Variants in EVC observed in about 807,000 individuals in gnomAD.
EVC encodes the protein EvC ciliary complex subunit 1.
Under a neutral mutation model 118.9 loss-of-function variants are expected in EVC, and 116 were observed. The observed-to-expected ratio is 0.98, with a 90% CI of 0.84 to 1.14. EVC has a LOEUF of 1.14. Among genes scored for constraint, EVC ranks in the 50% most tolerant of loss-of-function variants. The pLI, the probability that EVC is intolerant of heterozygous loss-of-function variation, is 0.00. For synonymous variants in EVC, 619 were observed against 534.7 expected, an observed-to-expected ratio of 1.16 and a Z score of -2.18; for missense variants, 1,401 against 1,246.4, an observed-to-expected ratio of 1.12 and a Z score of -1.87.
rs1160653669 is a variant in EVC, at chr4:5,719,209, G to A, written c.175-39G>A. The A allele has an allele frequency of 3.7e-6, 6 of 1,613,814 alleles. No individual in the cohort carries two copies. Among genetic ancestry groups the A allele is most frequent in the African/African-American group, 1.3e-5 (1 of 75,046 alleles). On this transcript the variant is annotated intron_variant, in intron 1 of 20. Coordinates refer to ENST00000264956, the MANE Select transcript of EVC (RefSeq NM_153717.3). The surrounding 1 kb of genome is among the most constrained non-coding windows in gnomAD (Gnocchi z 4.7). ...CCAGGCCGACTGACCTCAATGTTGTGTTTCTATCCACCCCCAACTCCTGAC... is the reference window on the plus strand; with the variant it reads ...CCAGGCCGACTGACCTCAATGTTGTATTTCTATCCACCCCCAACTCCTGAC...
intron 5 of EVC, among the ~76,000 whole-genome samples, chr4:5,733,876 A>T (rs558096513): frequency 2.6e-5 from 4 of 152,276 alleles, no homozygotes; most frequent in African/African-American, 9.6e-5. Flanking sequence ...TGTCATTATC[A>T]TGTCCACTCT....
intron 3 of EVC, among the ~76,000 whole-genome samples, chr4:5,730,059 G>T (rs560727997): frequency 6.6e-6 from 1 of 152,266 alleles, no homozygotes; most frequent in South Asian, 2.1e-4. Context: ...TCAGGATGAC[G>T]AGCTCTGGAG....
rs149344570 is a variant in EVC, at chr4:5,797,098, G to A, written c.1963G>A (p.Ala655Thr). 3.4e-4 allele frequency: 548 copies of A among 1,613,546 alleles called. 2 individuals carry two copies. The African/African-American group carries it at 6.0e-3, about 18-fold the overall frequency. The change falls in exon 14 of 21, where the codon GCC becomes ACC. Residue 655 changes from alanine (A) to threonine (T), a missense_variant. By Grantham distance (58) the Ala-to-Thr change is moderately conservative. Coordinates refer to ENST00000264956, the MANE Select transcript of EVC (RefSeq NM_153717.3). ...ALRRLALRGN[A>T]LATLTQMRLS... ...CCGGAGGCTGGCACTCCGCGGCAAC[G>A]CCCTGGCCACCCTGACGCAGATGCG...
rs571276814 is a variant in EVC at position 5,733,511 on chromosome 4, T to A, written c.702+76T>A. On this transcript the variant is annotated intron_variant, in intron 5 of 20. Coordinates refer to ENST00000264956, the MANE Select transcript of EVC (RefSeq NM_153717.3). ...AGACAAGGACTCTGTGTGCAGTGAG[T>A]CCCAGAGACCCTTGAGAGGCAGACA... is the stretch of plus-strand genomic sequence containing the variant. 11 of 1,257,180 alleles carry A rather than the reference T, an allele frequency of 8.7e-6. No individual in the cohort carries two copies. In the South Asian group the frequency reaches 1.3e-4, roughly 15 times the overall value. 77.9% of individuals were successfully genotyped at this position (1,257,180 alleles called of 1,614,324 possible). A position where few individuals can be genotyped will look rare whatever the true frequency, so the allele number is the denominator to read the frequency against.
rs934378953 is a variant in EVC, at chr4:5,737,536, C to A, written c.702+4101C>A. ...TTCAAAGAACAGGCTGACTCTCTCG[C>A]TAGGGGCTAATGCGGGAGATGACTT... On this transcript the variant is annotated intron_variant, in intron 5 of 20. Coordinates refer to ENST00000264956, the MANE Select transcript of EVC (RefSeq NM_153717.3). The surrounding 1 kb of genome is among the most constrained non-coding windows in gnomAD (Gnocchi z 5.0). Among the ~76,000 whole-genome samples the A allele has an allele frequency of 1.1e-4, 17 of 152,224 alleles. No homozygotes were observed. Among genetic ancestry groups the A allele is most frequent in the African/African-American group, 3.9e-4 (16 of 41,446 alleles).
chr4:5,760,419 G>A (rs1731828970), intron 11 of EVC, among the ~76,000 whole-genome samples: 1 of 152,066 alleles, frequency 6.6e-6, no homozygotes, highest in African/African-American at 2.4e-5. Context: ...AGGGTGACAG[G>A]TGTGACGAGG....
In EVC at chr4:5,731,293, G is replaced by A. The variant is rs920305856; in HGVS notation, c.385-132G>A. ...GACGGAAACTCTGTGGTGTCTGCTGGCACCCTGGCCAGTCTCCTCCAGGCA... is the reference window on the plus strand; with the variant it reads ...GACGGAAACTCTGTGGTGTCTGCTGACACCCTGGCCAGTCTCCTCCAGGCA... On this transcript the variant is annotated intron_variant, in intron 3 of 20. Coordinates refer to ENST00000264956, the MANE Select transcript of EVC (RefSeq NM_153717.3). The surrounding 1 kb of genome is among the most constrained non-coding windows in gnomAD (Gnocchi z 5.6). 45 of 819,842 alleles carry A rather than the reference G, an allele frequency of 5.5e-5. No individual in the cohort carries two copies. The highest frequency in any genetic ancestry group is 1.7e-5 in the Non-Finnish European group (8 of 465,160). The allele number at this position is 819,842 out of a possible 1,614,324, so 50.8% of individuals were successfully genotyped here. A position where few individuals can be genotyped will look rare whatever the true frequency, so the allele number is the denominator to read the frequency against.
At chr4:5,825,686 T>C in the EVC span, 901 of 1,609,254 alleles carry the variant, frequency 5.6e-4, 6 homozygotes, top group East Asian at 0.018. This position sits in a 1 kb window ranked among gnomAD's most constrained non-coding sequence, Gnocchi z 4.4. Context: ...AGAGTGTGAT[T>C]GATCGACACT....
intron 11 of EVC, among the ~76,000 whole-genome samples, chr4:5,758,738 A>C (rs1166299750): frequency 6.6e-6 from 1 of 152,206 alleles, no homozygotes; most frequent in Non-Finnish European, 1.5e-5. Flanking sequence ...GTGAGATTTA[A>C]AATAAAGGCT....
intron 1 of EVC, among the ~76,000 whole-genome samples, chr4:5,718,654 A>C (rs1724389521): frequency 6.6e-6 from 1 of 152,232 alleles, no homozygotes; most frequent in Non-Finnish European, 1.5e-5. Flanking sequence ...CATGCTCTGC[A>C]TGTATTTGTG....
intron 11 of EVC, among the ~76,000 whole-genome samples, chr4:5,771,223 C>T (rs1041545653): frequency 1.4e-4 from 22 of 152,230 alleles, no homozygotes; most frequent in African/African-American, 5.3e-4. Flanking sequence ...GCAGGGCTGA[C>T]TCCTCCTGGA....
rs113126727 is a variant in EVC, at chr4:5,724,749, A to G, written c.301-4558A>G. Among the ~76,000 whole-genome samples the G allele has an allele frequency of 7.8e-3, 1,179 of 150,836 alleles. 20 individuals are homozygous for G. The highest frequency in any genetic ancestry group is 0.027 in the African/African-American group (1,117 of 40,824). ...AACCTTTTCTTCAACTTTTATTTTAAGTTCTGGGGTACACATGCAGGATGT... is the reference window on the plus strand; with the variant it reads ...AACCTTTTCTTCAACTTTTATTTTAGGTTCTGGGGTACACATGCAGGATGT... On this transcript the variant is annotated intron_variant, in intron 2 of 20. Transcript: ENST00000264956.
At chr4:5,825,843 T>TCATACACACAAGCATG in the EVC span, 1 of 604,084 alleles carries the variant, frequency 1.7e-6, no homozygotes, top group Non-Finnish European at 2.8e-6. The surrounding 1 kb of genome is among the most constrained non-coding windows in gnomAD (Gnocchi z 4.4). Flanking sequence ...ACACAGGCAT[T>TCATACACACAAGCATG]CATACACACA....
At chr4:5,723,272 C>T (rs557746937) in intron 2 of EVC, among the ~76,000 whole-genome samples, 4 of 151,838 alleles carry the variant, frequency 2.6e-5, no homozygotes, top group African/African-American at 7.3e-5. Context: ...TCCCTGCAAC[C>T]TCTGCCTCCT....
chr4:5,760,558 G>C (rs185675897), intron 11 of EVC, among the ~76,000 whole-genome samples: 2 of 152,002 alleles, frequency 1.3e-5, no homozygotes, highest in African/African-American at 4.8e-5. Context: ...TTTGTTTTTT[G>C]TTTTTTGTTT....
chr4:5,711,499 T>G lies in EVC; in HGVS notation c.119T>G (p.Leu40Arg). The change falls in exon 1 of 21, where the codon CTC becomes CGC. Residue 40 changes from leucine to arginine, a missense_variant. Leu to Arg is a moderately radical substitution (Grantham distance 102, BLOSUM62 -2). Transcript: ENST00000264956. ...GTGCTGCTGGGCGCCGCGCTCGGCC[T>G]CGGCCTCGGCCTTTGGCTTGGCTGC... ...PAVLLGAALG[L>R]GLGLWLGCRA... is the part of the protein sequence containing the mutation. The G allele has an allele frequency of 8.8e-7, 1 of 1,135,132 alleles. No homozygotes were observed. The allele number at this position is 1,135,132 out of a possible 1,614,324, so 70.3% of individuals were successfully genotyped here. A position where few individuals can be genotyped will look rare whatever the true frequency, so the allele number is the denominator to read the frequency against.
chr4:5,802,025 T>G lies in EVC; in HGVS notation c.2380T>G (p.Tyr794Asp). The G allele has an allele frequency of 6.2e-7, 1 of 1,614,184 alleles. No homozygotes were observed. Among genetic ancestry groups the G allele is most frequent in the Non-Finnish European group, 8.5e-7 (1 of 1,180,024 alleles). Residue 794 changes from tyrosine to aspartate, a missense_variant, in exon 16 of 21, where the codon TAC (tyrosine) becomes GAC (aspartate). Coordinates refer to ENST00000264956, the MANE Select transcript of EVC (RefSeq NM_153717.3). ...TGTCAGCCGCCTGGTGCAGGCGTAT[T>G]ACCAGCAAATCGGAAGGATCATGGA... Reference protein sequence around the residue: ...AGVSRLVQAYYQQIGRIMEDH... With the variant: ...AGVSRLVQAYDQQIGRIMEDH...
chr4:5,762,651 A>G (rs1351166288), intron 11 of EVC, among the ~76,000 whole-genome samples: 2 of 150,080 alleles, frequency 1.3e-5, no homozygotes, highest in African/African-American at 4.9e-5. Context: ...TCTGATGGCC[A>G]TTGATGGTGA....
intron 11 of EVC, among the ~76,000 whole-genome samples, chr4:5,782,665 A>T (rs1340679996): frequency 6.9e-6 from 1 of 145,456 alleles, no homozygotes; most frequent in Non-Finnish European, 1.5e-5. Context: ...GGGAGCGGGG[A>T]TGAAGGCAAC....
Sources: allele counts gnomAD v4.1 joint callset (sites outside exome capture counted in the v4.1 genomes callset), GRCh38; gene constraint gnomAD v4.1.1; non-coding constraint Gnocchi (gnomAD v3.1); transcripts MANE v1.5; gene names NCBI Gene and HGNC (gene_info 2026-07-23, HGNC 2026-07-21).